SHISA9: variants seen among roughly 807,000 people sequenced by gnomAD.
SHISA9 encodes the protein protein shisa-9.
SHISA9 carries 13 observed loss-of-function variants against 38.0 expected under a neutral mutation model. That is an observed-to-expected ratio of 0.34 (90% CI 0.22 to 0.54). The LOEUF (loss-of-function observed/expected upper bound fraction) is 0.54, where lower values mean the gene tolerates loss of function less well. Ranked by LOEUF, SHISA9 falls within the 20% of genes least tolerant of loss-of-function variation. The probability of loss-of-function intolerance (pLI) is 0.91; values close to 1 mark genes in which losing one functional copy is unlikely to be tolerated. For missense variants in SHISA9, 538 were observed against 575.8 expected (o/e 0.93, Z 0.67); for synonymous variants, 275 against 242.0 (o/e 1.14, Z -1.27).
chr16:13,437,384 A>T, the SHISA9 span, among the ~76,000 whole-genome samples: 1 of 152,184 alleles, frequency 6.6e-6, no homozygotes, highest in Non-Finnish European at 1.5e-5. Flanking sequence ...TCCAGCCTGA[A>T]ATCTAAGCAC....
the SHISA9 span, among the ~76,000 whole-genome samples, chr16:13,488,095 C>T: frequency 1.3e-5 from 2 of 152,144 alleles, no homozygotes; most frequent in African/African-American, 4.8e-5. Context: ...AGATAATGGA[C>T]CACCAGGGGG....
intron 2 of SHISA9, among the ~76,000 whole-genome samples, chr16:13,175,458 A>C (rs2050723963): frequency 6.6e-6 from 1 of 152,174 alleles, no homozygotes; most frequent in South Asian, 2.1e-4. Flanking sequence ...AAATGAGAGA[A>C]TGGATGACAA....
chr16:13,559,631 C>G, the SHISA9 span, among the ~76,000 whole-genome samples: 1 of 152,162 alleles, frequency 6.6e-6, no homozygotes, highest in Non-Finnish European at 1.5e-5. Context: ...AAACCTCCCA[C>G]CTCGGCCTCC....
chr16:13,034,588 C>G (rs1345763778), intron 2 of SHISA9, among the ~76,000 whole-genome samples: 1 of 152,150 alleles, frequency 6.6e-6, no homozygotes, highest in Non-Finnish European at 1.5e-5. Context: ...TTCTTCAGAC[C>G]TCCCTCCATG....
intron 2 of SHISA9, among the ~76,000 whole-genome samples, chr16:13,008,128 AG>A (rs2072621558): frequency 6.6e-6 from 1 of 152,168 alleles, no homozygotes; most frequent in Non-Finnish European, 1.5e-5. Context: ...GGTAAATAAC[AG>A]GTTAAAAAAT....
intron 2 of SHISA9, among the ~76,000 whole-genome samples, chr16:13,189,025 T>C (rs1015732824): frequency 5.3e-5 from 8 of 152,080 alleles, no homozygotes; most frequent in African/African-American, 1.9e-4. Context: ...CCAAGAAATG[T>C]CAAAGGTTGC....
intron 2 of SHISA9, among the ~76,000 whole-genome samples, chr16:12,951,872 C>T (rs1284561200): frequency 6.6e-6 from 1 of 152,162 alleles, no homozygotes; most frequent in Non-Finnish European, 1.5e-5. Context: ...GCCTCAGAGG[C>T]TGAAGATGGA....
At chr16:13,007,934 T>C (rs945571479) in intron 2 of SHISA9, among the ~76,000 whole-genome samples, 2 of 152,200 alleles carry the variant, frequency 1.3e-5, no homozygotes, top group African/African-American at 4.8e-5. Context: ...TGTAGGTGAC[T>C]GTAGCAGACA....
chr16:13,399,290 G>T, the SHISA9 span, among the ~76,000 whole-genome samples: 1 of 151,772 alleles, frequency 6.6e-6, no homozygotes, highest in African/African-American at 2.4e-5. Flanking sequence ...ACAAAATTAT[G>T]TAAGACCTGG....
chr16:13,196,105 A>G (rs2050937142), intron 2 of SHISA9, among the ~76,000 whole-genome samples: 1 of 142,886 alleles, frequency 7.0e-6, no homozygotes, highest in Non-Finnish European at 1.5e-5. Context: ...AAAAAAAAAA[A>G]AAAAAAAAAA....
the SHISA9 span, among the ~76,000 whole-genome samples, chr16:13,330,805 A>C: frequency 6.6e-6 from 1 of 152,196 alleles, no homozygotes; most frequent in Admixed American, 6.5e-5. Flanking sequence ...ATTGGGAGCC[A>C]GCAGGGATGG....
At chr16:13,331,525 A>G in the SHISA9 span, 1 of 152,212 alleles carries the variant, frequency 6.6e-6, no homozygotes, top group Non-Finnish European at 1.5e-5. Flanking sequence ...TATGTTTCAA[A>G]TCTTACAAAA....
chr16:13,398,081 T>C, the SHISA9 span, among the ~76,000 whole-genome samples: 19 of 152,172 alleles, frequency 1.2e-4, no homozygotes, highest in Non-Finnish European at 2.5e-4. Context: ...GTGTGCTCTT[T>C]TGCAGATGTG....
At chr16:13,366,268 C>G in the SHISA9 span, among the ~76,000 whole-genome samples, 618 of 152,300 alleles carry the variant, frequency 4.1e-3, 2 homozygotes, top group African/African-American at 0.013. Flanking sequence ...AGGCTTTGGT[C>G]TACTCATTTT....
At chr16:13,184,705 CAG>C (rs2142034483) in intron 2 of SHISA9, among the ~76,000 whole-genome samples, 1 of 152,320 alleles carries the variant, frequency 6.6e-6, no homozygotes, top group East Asian at 1.9e-4. Context: ...TAAATTGAAT[CAG>C]ACAGTATCTG....
At chr16:13,070,913 G>C (rs1195962812) in intron 2 of SHISA9, among the ~76,000 whole-genome samples, 2 of 152,162 alleles carry the variant, frequency 1.3e-5, no homozygotes, top group Non-Finnish European at 2.9e-5. Context: ...GAAGATGTGG[G>C]ACCATGAGGA....
chr16:13,027,654 C>G (rs56984463), intron 2 of SHISA9, among the ~76,000 whole-genome samples: 19,982 of 152,028 alleles, frequency 0.13, 2,351 homozygotes, highest in African/African-American at 0.3. Flanking sequence ...GGCTGAATCT[C>G]AAAAGCAGGC....
intron 2 of SHISA9, among the ~76,000 whole-genome samples, chr16:13,081,202 T>G (rs759335389): frequency 6.6e-6 from 1 of 152,234 alleles, no homozygotes; most frequent in Non-Finnish European, 1.5e-5. Context: ...TAGGGATGGA[T>G]AGAAAATGTG....
At chr16:13,010,020 TA>T (rs1010964155) in intron 2 of SHISA9, among the ~76,000 whole-genome samples, 1 of 151,410 alleles carries the variant, frequency 6.6e-6, no homozygotes, top group Non-Finnish European at 1.5e-5. Flanking sequence ...TGCAATCAAA[TA>T]AAAAAAATTA....
Sources: allele counts gnomAD v4.1 joint callset (sites outside exome capture counted in the v4.1 genomes callset), GRCh38; gene constraint gnomAD v4.1.1; transcripts MANE v1.5; gene names NCBI Gene and HGNC (gene_info 2026-07-23, HGNC 2026-07-21).